The following AFG2B variants were observed in gnomAD, a reference collection of about 807,000 sequenced individuals.
The protein encoded by AFG2B is AAA ATPase AFG2B, also known as ATPase family gene 2 protein homolog B.
At chr15:45,417,383 C>T in the AFG2B span, 1 of 1,613,912 alleles carries the variant, frequency 6.2e-7, no homozygotes, top group South Asian at 1.1e-5. Flanking sequence ...ATCTATATCC[C>T]ACCTCCAGAT....
chr15:45,405,616 C>T, the AFG2B span: 1 of 982,730 alleles, frequency 1.0e-6, no homozygotes, highest in Non-Finnish European at 1.5e-6. Flanking sequence ...TTGATAGCTT[C>T]CACAGCTGTT....
chr15:45,410,371 G>A, the AFG2B span: 3 of 1,611,936 alleles, frequency 1.9e-6, no homozygotes, highest in East Asian at 6.7e-5. Flanking sequence ...TATTTCTTCA[G>A]AACCAGGACA....
chr15:45,412,012 C>T, the AFG2B span, among the ~76,000 whole-genome samples: 24 of 151,912 alleles, frequency 1.6e-4, no homozygotes, highest in Non-Finnish European at 3.4e-4. Flanking sequence ...GCAGGAGAAT[C>T]GCTTGAACCC....
At chr15:45,403,492 C>A in the AFG2B span, 1 of 1,605,460 alleles carries the variant, frequency 6.2e-7, no homozygotes. Flanking sequence ...CCCAGCGCTG[C>A]GTAGGCCCGG....
At chr15:45,412,013 G>A in the AFG2B span, among the ~76,000 whole-genome samples, 5 of 151,714 alleles carry the variant, frequency 3.3e-5, no homozygotes, top group Non-Finnish European at 4.4e-5. Flanking sequence ...CAGGAGAATC[G>A]CTTGAACCCG....
chr15:45,418,036 A>G, the AFG2B span, among the ~76,000 whole-genome samples: 28 of 152,146 alleles, frequency 1.8e-4, no homozygotes, highest in African/African-American at 6.8e-4. Flanking sequence ...GTCTGATAGT[A>G]TTATTTGTAC....
the AFG2B span, among the ~76,000 whole-genome samples, chr15:45,416,512 G>A: frequency 4.8e-3 from 727 of 152,042 alleles, 4 homozygotes; most frequent in Middle Eastern, 0.01. Flanking sequence ...TTGTCATATG[G>A]AATTGTTGCA....
the AFG2B span, among the ~76,000 whole-genome samples, chr15:45,410,970 G>A: frequency 6.6e-6 from 1 of 152,190 alleles, no homozygotes; most frequent in Admixed American, 6.5e-5. Flanking sequence ...AGGAGGTTGA[G>A]GTGGGTGGAT....
At chr15:45,404,906 T>C in the AFG2B span, among the ~76,000 whole-genome samples, 2 of 152,174 alleles carry the variant, frequency 1.3e-5, no homozygotes, top group African/African-American at 4.8e-5. Context: ...TCTATTTTTA[T>C]TGATACATAA....
the AFG2B span, among the ~76,000 whole-genome samples, chr15:45,415,312 C>T: frequency 7.2e-5 from 11 of 152,114 alleles, no homozygotes; most frequent in South Asian, 2.1e-4. Flanking sequence ...GCCTGGCCAA[C>T]GTGGCAAAAC....
chr15:45,403,128 G>T, the AFG2B span: 1 of 1,478,354 alleles, frequency 6.8e-7, no homozygotes, highest in Non-Finnish European at 8.9e-7. Context: ...GCTTAGCGGT[G>T]CCTCGCGGGG....
chr15:45,415,524 AT>A, the AFG2B span: 1 of 1,373,836 alleles, frequency 7.3e-7, no homozygotes, highest in Non-Finnish European at 1.0e-6. Context: ...AGGATTATAA[AT>A]AGTAATATCA....
the AFG2B span, chr15:45,402,412 C>T: frequency 0.3 from 467,169 of 1,578,396 alleles, 79,495 homozygotes; most frequent in East Asian, 0.84. Context: ...TTTCGTCTGC[C>T]TGGTTCATCT....
At chr15:45,407,067 C>G in the AFG2B span, 1 of 1,289,182 alleles carries the variant, frequency 7.8e-7, no homozygotes. Flanking sequence ...CTTAGGTGGA[C>G]CAGTCAGCTG....
At chr15:45,414,860 T>C in the AFG2B span, 1 of 1,214,710 alleles carries the variant, frequency 8.2e-7, no homozygotes. Context: ...TTTAAAAATA[T>C]TACTAGTGTT....
chr15:45,410,251 T>C, the AFG2B span: 12 of 1,139,690 alleles, frequency 1.1e-5, no homozygotes, highest in East Asian at 2.8e-4. Context: ...TAAATTGTTT[T>C]TATAATGATA....
the AFG2B span, among the ~76,000 whole-genome samples, chr15:45,419,593 G>A: frequency 6.6e-6 from 1 of 152,086 alleles, no homozygotes; most frequent in Non-Finnish European, 1.5e-5. Flanking sequence ...GATCATAAGG[G>A]TACAGTTCAT....
chr15:45,409,375 A>C, the AFG2B span, among the ~76,000 whole-genome samples: 6 of 107,316 alleles, frequency 5.6e-5, no homozygotes, highest in African/African-American at 5.3e-4. Context: ...AGACCCCGCC[A>C]AAAAAAAAAA....
At chr15:45,412,869 T>C in the AFG2B span, among the ~76,000 whole-genome samples, 1 of 152,212 alleles carries the variant, frequency 6.6e-6, no homozygotes, top group South Asian at 2.1e-4. Context: ...GTTTCAGAAA[T>C]TGATTTTGCC....
Sources: gnomAD v4.1 joint callset for allele counts (sites outside exome capture counted in the v4.1 genomes callset) on GRCh38, gnomAD v4.1.1 for gene constraint, MANE v1.5 for transcripts, NCBI Gene and HGNC (gene_info 2026-07-23, HGNC 2026-07-21) for gene names.